Variants in SBF2 observed in about 807,000 individuals in gnomAD.
SBF2 encodes SET binding factor 2, also known as myotubularin-related protein 13.
A neutral mutation model predicts 225.2 loss-of-function variants in SBF2; 112 were observed. The ratio of observed to expected loss-of-function variants is 0.50; its 90% CI spans 0.43 to 0.58. The LOEUF (loss-of-function observed/expected upper bound fraction) is 0.58. Ranked by LOEUF, SBF2 falls within the 20% of genes least tolerant of loss-of-function variation. The probability of loss-of-function intolerance (pLI) is 0.00; values close to 1 mark genes in which losing one functional copy is unlikely to be tolerated. For missense variants in SBF2, 1,996 were observed against 2,206.2 expected (o/e 0.90, Z 1.91); for synonymous variants, 763 against 773.3 (o/e 0.99, Z 0.22).
intron 1 of SBF2, among the ~76,000 whole-genome samples, chr11:10,266,171 T>G (rs1961966910): frequency 6.6e-6 from 1 of 152,234 alleles, no homozygotes; most frequent in African/African-American, 2.4e-5. Context: ...TGTAGTTAAA[T>G]GATTTGTCCA....
intron 17 of SBF2, among the ~76,000 whole-genome samples, chr11:9,860,047 T>C (rs541881305): frequency 5.3e-5 from 8 of 152,300 alleles, no homozygotes; most frequent in Admixed American, 3.9e-4. Flanking sequence ...AAGAAACAGT[T>C]ACTGTCTACC....
intron 1 of SBF2, among the ~76,000 whole-genome samples, chr11:10,256,414 A>C (rs1009024772): frequency 1.6e-4 from 24 of 152,222 alleles, no homozygotes; most frequent in African/African-American, 5.8e-4. Context: ...TTACAGAGCT[A>C]TTGGACAGAG....
upstream of SBF2, chr11:10,294,260 C>G (rs907026544): frequency 1.1e-4 from 46 of 405,814 alleles, no homozygotes; most frequent in Non-Finnish European, 1.4e-4. Context: ...CCCCCGCCCC[C>G]ACCCGCGCTG....
intron 2 of SBF2, among the ~76,000 whole-genome samples, chr11:10,060,095 G>A (rs1272656748): frequency 6.6e-6 from 1 of 151,994 alleles, no homozygotes; most frequent in African/African-American, 2.4e-5. Flanking sequence ...TCCAGGAATT[G>A]GCTTTTTGAA....
At chr11:9,791,845 A>G (rs1354741431) in intron 33 of SBF2, among the ~76,000 whole-genome samples, 1 of 152,238 alleles carries the variant, frequency 6.6e-6, no homozygotes, top group Non-Finnish European at 1.5e-5. Flanking sequence ...CAGAAAGAGA[A>G]TGAGCTGAAA....
intron 1 of SBF2, among the ~76,000 whole-genome samples, chr11:10,235,508 C>T (rs1277267485): frequency 3.0e-5 from 4 of 132,020 alleles, no homozygotes; most frequent in African/African-American, 8.7e-5. Context: ...GCCTGGGCAA[C>T]AAGAGCAAGA....
At chr11:9,853,779 T>C (rs1857128871) in intron 19 of SBF2, 67 bp from the exon 20 acceptor site, 1 of 1,397,956 alleles carries the variant, frequency 7.2e-7, no homozygotes, top group African/African-American at 1.4e-5. Flanking sequence ...TATATAGTAG[T>C]CAATTTACAT....
At chr11:10,040,190 T>C (rs966459225) in intron 3 of SBF2, among the ~76,000 whole-genome samples, 5 of 152,120 alleles carry the variant, frequency 3.3e-5, no homozygotes, top group African/African-American at 1.2e-4. Context: ...TGATTATTAA[T>C]TGCAAACATA....
Position 9,839,485 on chromosome 11 carries a change from C to T in SBF2, c.3455+13G>A. The T allele has an allele frequency of 1.9e-6, 3 of 1,612,362 alleles. No individual in the cohort carries two copies. Among genetic ancestry groups the T allele is most frequent in the Non-Finnish European group, 2.5e-6 (3 of 1,179,044 alleles). On this transcript the variant is annotated intron_variant, in intron 26 of 39. Transcript: ENST00000256190. ...AAGGAAGACCTCTTTTTGGAGCCCA[C>T]TGACACACTTACCTCCGGCAGAGTG...
At chr11:9,783,955 T>C (rs939025028) in intron 38 of SBF2, among the ~76,000 whole-genome samples, 49 of 152,188 alleles carry the variant, frequency 3.2e-4, no homozygotes, top group African/African-American at 1.2e-3. Context: ...TAACTTGTAT[T>C]CTGGGGAGTG....
intron 13 of SBF2, among the ~76,000 whole-genome samples, chr11:9,986,006 T>G (rs1289164248): frequency 6.6e-6 from 1 of 152,174 alleles, no homozygotes; most frequent in East Asian, 1.9e-4. Flanking sequence ...ACATGGAACT[T>G]TCTCCAAGAT....
At chr11:10,239,834 G>T (rs933160598) in intron 1 of SBF2, among the ~76,000 whole-genome samples, 2 of 152,002 alleles carry the variant, frequency 1.3e-5, no homozygotes, top group South Asian at 2.1e-4. Flanking sequence ...GTATATTTTG[G>T]GTTTTAAAAT....
intron 17 of SBF2, among the ~76,000 whole-genome samples, chr11:9,859,852 G>A (rs745490854): frequency 6.6e-5 from 10 of 152,196 alleles, no homozygotes; most frequent in Non-Finnish European, 1.3e-4. Context: ...GAGTCTCTGT[G>A]TACTACATGC....
chr11:10,066,549 C>T (rs898490142), intron 2 of SBF2, among the ~76,000 whole-genome samples: 4 of 151,862 alleles, frequency 2.6e-5, no homozygotes, highest in South Asian at 2.1e-4. Flanking sequence ...AAACAGAAAA[C>T]GCATTTGACA....
chr11:9,891,073 T>G (rs1344676634), intron 17 of SBF2, among the ~76,000 whole-genome samples: 1 of 151,752 alleles, frequency 6.6e-6, no homozygotes, highest in Non-Finnish European at 1.5e-5. Context: ...GAGGTAGAGG[T>G]TGCAGTGAGC....
At chr11:10,148,414 C>A (rs1565285916) in intron 2 of SBF2, among the ~76,000 whole-genome samples, 2 of 152,164 alleles carry the variant, frequency 1.3e-5, no homozygotes, top group African/African-American at 4.8e-5. Flanking sequence ...TGGGGGCTAT[C>A]TGAGTCTATC....
intron 1 of SBF2, among the ~76,000 whole-genome samples, chr11:10,226,588 T>A (rs1396867599): frequency 2.0e-5 from 3 of 152,098 alleles, no homozygotes; most frequent in Non-Finnish European, 2.9e-5. Flanking sequence ...TGTTTGGTTT[T>A]TTGTCCTTGT....
chr11:9,861,140 A>C (rs1471515433), intron 17 of SBF2, among the ~76,000 whole-genome samples: 1 of 152,214 alleles, frequency 6.6e-6, no homozygotes. Context: ...AAATGCTCCA[A>C]TGAACATTTC....
At chr11:9,953,740 A>C (rs1432737096) in intron 16 of SBF2, among the ~76,000 whole-genome samples, 1 of 138,738 alleles carries the variant, frequency 7.2e-6, no homozygotes, top group African/African-American at 2.5e-5. Context: ...TTCAGAGTAT[A>C]AAGAGGTATA....
Sources: allele counts gnomAD v4.1 joint callset (sites outside exome capture counted in the v4.1 genomes callset), GRCh38; gene constraint gnomAD v4.1.1; transcripts MANE v1.5; gene names NCBI Gene and HGNC (gene_info 2026-07-23, HGNC 2026-07-21).